The following DNAH2 variants were observed in gnomAD, a reference collection of about 807,000 sequenced individuals.
The protein encoded by DNAH2 is dynein axonemal heavy chain 2.
Under a neutral mutation model 523.5 loss-of-function variants are expected in DNAH2, and 323 were observed. The ratio of observed to expected loss-of-function variants is 0.62; its 90% CI spans 0.56 to 0.68. DNAH2 has a LOEUF of 0.68. Ranked by LOEUF, DNAH2 falls within the 30% of genes least tolerant of loss-of-function variation. DNAH2 has a pLI of 0.00. For missense variants in DNAH2, 4,907 were observed against 5,701.5 expected, an observed-to-expected ratio of 0.86 and a Z score of 4.49; for synonymous variants, 2,093 against 2,177.4, an observed-to-expected ratio of 0.96 and a Z score of 1.08.
In DNAH2 at chr17:7,804,312, G is replaced by A. The variant is rs1371495189; in HGVS notation, c.9029G>A (p.Gly3010Asp). 1.2e-6 allele frequency: 2 copies of A among 1,614,202 alleles called. No individual in the cohort carries two copies. The highest frequency in any genetic ancestry group is 8.5e-7 in the Non-Finnish European group (1 of 1,180,036). The change falls in exon 59 of 86, where the codon GGC (glycine) becomes GAC (aspartate). Residue 3010 changes from glycine to aspartate, a missense_variant. Around this residue, in one of 3 missense-constraint regions of DNAH2, gnomAD observed 1,851 missense variants for 2,139.4 expected, o/e 0.87. Transcript: ENST00000572933. The part of the protein sequence containing the change: ...LLAQANKLRT[G>D]LFKIDETREK... ...GCCCAAGCCAATAAACTGCGGACAG[G>A]CTTGTTCAAGATCGACGAAACTAGG...
intron 10 of DNAH2, 27 bp downstream of exon 10, chr17:7,740,576 C>T: frequency 1.9e-6 from 3 of 1,609,650 alleles, no homozygotes; most frequent in Non-Finnish European, 2.5e-6. Context: ...GCTTCCTCGG[C>T]TTCCCGTCCC....
chr17:7,821,091 C>A lies in DNAH2; in HGVS notation c.11016-152C>A. The A allele has an allele frequency of 9.5e-7, 1 of 1,049,036 alleles. No individual in the cohort carries two copies. Among genetic ancestry groups the A allele is most frequent in the Non-Finnish European group, 1.3e-6 (1 of 754,926 alleles). 65.0% of individuals were successfully genotyped at this position (1,049,036 alleles called of 1,614,324 possible). On this transcript the variant is annotated intron_variant, in intron 72 of 85. Transcript: ENST00000572933. This position sits in a 1 kb window ranked among gnomAD's most constrained non-coding sequence, Gnocchi z 5.0. ...CTCTGGGAAATTCTTGTGTCTAGGC[C>A]CCTGAGTCCTCAGCTGTTTCCAGGA...
At chr17:7,820,043 A>G (rs1006946264) in intron 72 of DNAH2, among the ~76,000 whole-genome samples, 3 of 152,238 alleles carry the variant, frequency 2.0e-5, no homozygotes, top group South Asian at 2.1e-4. Context: ...TCCTGAGCTC[A>G]AGGGATCCTC....
chr17:7,747,031 T>A (rs571872795), intron 12 of DNAH2, among the ~76,000 whole-genome samples: 2 of 148,164 alleles, frequency 1.3e-5, no homozygotes, highest in African/African-American at 4.9e-5. Context: ...AGGGAAAAAG[T>A]GAAAATTCAG....
chr17:7,796,903 A>G (rs1427359329), intron 50 of DNAH2, among the ~76,000 whole-genome samples: 1 of 144,346 alleles, frequency 6.9e-6, no homozygotes, highest in African/African-American at 2.6e-5. Flanking sequence ...CAGCCTGGCC[A>G]ACATGGTGAA....
intron 2 of DNAH2, among the ~76,000 whole-genome samples, chr17:7,721,004 C>CTTTTTTTTTTTTT (rs71159523): frequency 2.4e-4 from 26 of 109,712 alleles, no homozygotes; most frequent in Admixed American, 4.2e-4. Context: ...TTCTTTCTTT[C>CTTTTTTTTTTTTT]TTTTTTTTTT....
At chr17:7,797,626 G>C (rs376865113) in intron 52 of DNAH2, 54 bp from the exon 53 acceptor site, 44 of 1,613,620 alleles carry the variant, frequency 2.7e-5, no homozygotes, top group African/African-American at 1.3e-4. Flanking sequence ...GGAGCCCTGT[G>C]GGGGGAGGCA....
chr17:7,801,069 C>T (rs766179236), intron 56 of DNAH2, among the ~76,000 whole-genome samples: 2 of 151,590 alleles, frequency 1.3e-5, no homozygotes, highest in Non-Finnish European at 1.5e-5. Flanking sequence ...GATGGGGTTT[C>T]GCCATGTTGC....
intron 49 of DNAH2, 88 bp from the exon 50 acceptor site, chr17:7,796,376 A>G: frequency 6.8e-7 from 1 of 1,473,500 alleles, no homozygotes. Context: ...ACCCCCTTAA[A>G]TTGTGCCCAT....
intron 12 of DNAH2, among the ~76,000 whole-genome samples, chr17:7,751,920 GGTGT>G (rs1555544367): frequency 1.1e-4 from 16 of 145,992 alleles, no homozygotes; most frequent in African/African-American, 2.3e-4. Context: ...ATAGTTGTGG[GGTGT>G]GTGTGTGTGT....
intron 27 of DNAH2, 29 bp from the exon 28 acceptor site, chr17:7,771,301 C>T (rs201342792): frequency 1.1e-4 from 179 of 1,613,640 alleles, no homozygotes; most frequent in Middle Eastern, 1.7e-4. Context: ...TAAGAAGTGG[C>T]CTCTCACCCC....
chr17:7,747,485 C>G (rs2075550561), intron 12 of DNAH2, among the ~76,000 whole-genome samples: 1 of 152,202 alleles, frequency 6.6e-6, no homozygotes, highest in African/African-American at 2.4e-5. Context: ...AACTGTGATT[C>G]CCGCACTTTG....
chr17:7,758,363 A>ACTAGTCTAGAATCTAGTCTAGAAT (rs374774905), intron 13 of DNAH2, 132 bp from the exon 14 acceptor site: 1 of 1,160,930 alleles, frequency 8.6e-7, no homozygotes, highest in African/African-American at 1.6e-5. Context: ...TTTTGGAAGT[A>ACTAGTCTAGAATCTAGTCTAGAAT]CTAGTCTAGA....
chr17:7,764,424 C>A, intron 20 of DNAH2, 151 bp downstream of exon 20: 1 of 919,166 alleles, frequency 1.1e-6, no homozygotes, highest in Non-Finnish European at 1.6e-6. Flanking sequence ...GATACCTTTA[C>A]TTAGCTTCTG....
intron 8 of DNAH2, chr17:7,738,147 A>G (rs1355175822): frequency 7.1e-6 from 5 of 702,378 alleles, no homozygotes; most frequent in East Asian, 2.7e-5. Context: ...CTAACATCCC[A>G]TGTCTCAACT....
At chr17:7,741,311 C>CCT (rs2075334309) in intron 11 of DNAH2, among the ~76,000 whole-genome samples, 1 of 44,230 alleles carries the variant, frequency 2.3e-5, no homozygotes, top group Non-Finnish European at 4.2e-5. Flanking sequence ...CCTTCCCTCC[C>CCT]TCCCTCCCTC....
At chr17:7,775,515 G>A (rs1408544330) in intron 30 of DNAH2, among the ~76,000 whole-genome samples, 173 bp downstream of exon 30, 5 of 151,962 alleles carry the variant, frequency 3.3e-5, no homozygotes, top group Admixed American at 6.6e-5. Flanking sequence ...GAGAAACCCC[G>A]TTTCTGCTAA....
chr17:7,796,072 CAG>C (rs2077054739), intron 49 of DNAH2, among the ~76,000 whole-genome samples: 2 of 107,850 alleles, frequency 1.9e-5, no homozygotes, highest in East Asian at 2.8e-4. Context: ...TTTTTTGAGA[CAG>C]AGTTTCACTC....
rs1225974100 is a variant in DNAH2 at position 7,777,476 on chromosome 17, A to C, written c.5089A>C (p.Ile1697Leu). The C allele has an allele frequency of 1.2e-6, 2 of 1,614,092 alleles. No individual in the cohort carries two copies. Among genetic ancestry groups the C allele is most frequent in the Admixed American group, 3.3e-5 (2 of 60,002 alleles). ...VSILNKYSEA[I>L]RGNLTKIMRL... ...AATCCTGAATAAGTATTCAGAAGCC[A>C]TCAGGGGGAACTTGACCAAGATCAT... Residue 1697 changes from isoleucine (I) to leucine (L), a missense_variant, in exon 33 of 86, where the codon ATC becomes CTC. Physicochemically the swap from Ile to Leu is conservative, Grantham distance 5 (BLOSUM62 2). Coordinates refer to ENST00000572933, the MANE Select transcript of DNAH2 (RefSeq NM_020877.5).
Sources: allele counts gnomAD v4.1 joint callset (sites outside exome capture counted in the v4.1 genomes callset), GRCh38; gene constraint gnomAD v4.1.1; regional missense constraint gnomAD v4.1.1; non-coding constraint Gnocchi (gnomAD v3.1); transcripts MANE v1.5; gene names NCBI Gene and HGNC (gene_info 2026-07-23, HGNC 2026-07-21).